FANK1: variants seen among roughly 807,000 people sequenced by gnomAD.
FANK1 encodes the protein fibronectin type III and ankyrin repeat domains 1.
In FANK1, 44 loss-of-function variants were observed where a neutral mutation model predicts 45.3. The ratio of observed to expected loss-of-function variants is 0.97; its 90% CI spans 0.76 to 1.25. The LOEUF (loss-of-function observed/expected upper bound fraction) is 1.25. Among genes scored for constraint, FANK1 ranks in the 50% most tolerant of loss-of-function variants. The pLI is 0.00. For synonymous variants in FANK1, 149 were observed against 152.5 expected, an observed-to-expected ratio of 0.98 and a Z score of 0.17; for missense variants, 391 against 424.4, an observed-to-expected ratio of 0.92 and a Z score of 0.69.
intron 1 of FANK1, among the ~76,000 whole-genome samples, chr10:125,950,127 A>G (rs1266274923): frequency 4.8e-4 from 72 of 149,074 alleles, no homozygotes; most frequent in African/African-American, 1.7e-3. Context: ...AAGATGGATT[A>G]AAGACTTAAA....
chr10:125,924,886 A>G (rs1435060744), intron 1 of FANK1, among the ~76,000 whole-genome samples: 1 of 152,154 alleles, frequency 6.6e-6, no homozygotes, highest in Non-Finnish European at 1.5e-5. Flanking sequence ...TTTAATATGT[A>G]GAACTGATGA....
At chr10:125,973,686 C>T (rs569645178) in intron 1 of FANK1, 7 of 153,618 alleles carry the variant, frequency 4.6e-5, no homozygotes, top group African/African-American at 1.7e-4. Context: ...ACTCAATGTA[C>T]CATTTGGTTT....
chr10:125,965,479 A>G (rs1950158762), intron 1 of FANK1, among the ~76,000 whole-genome samples: 1 of 152,252 alleles, frequency 6.6e-6, no homozygotes, highest in African/African-American at 2.4e-5. Flanking sequence ...TTACACACTC[A>G]GTGTGCATTT....
In FANK1 at chr10:126,009,399, GA is replaced by G. The variant is rs768356108; in HGVS notation, c.1007del (p.Lys336SerfsTer25). 4 of 1,613,012 alleles carry G rather than the reference GA, an allele frequency of 2.5e-6. No individual in the cohort carries two copies. Among genetic ancestry groups the G allele is most frequent in the East Asian group, 2.2e-5 (1 of 44,860 alleles). On this transcript the variant is annotated frameshift_variant, in exon 11 of 11. Coordinates refer to ENST00000368693, the MANE Select transcript of FANK1 (RefSeq NM_145235.5). LOFTEE classifies it high-confidence loss of function. ...QSVVSLLEER[K>X]KKQRPKKSCV... ...GTGTAGTCTCCTTATTAGAAGAAAG[GA>G]AAAAAAAGCAGAGGCCAAAGAAGTC...
At chr10:125,996,787 G>A (rs1590217466) in intron 5 of FANK1, among the ~76,000 whole-genome samples, 163 bp downstream of exon 5, 1 of 152,104 alleles carries the variant, frequency 6.6e-6, no homozygotes, top group Non-Finnish European at 1.5e-5. Context: ...TTCAACTATT[G>A]TAATCATAAA....
intron 1 of FANK1, among the ~76,000 whole-genome samples, chr10:125,950,586 A>G (rs1428886457): frequency 6.6e-6 from 1 of 152,036 alleles, no homozygotes; most frequent in East Asian, 1.9e-4. Context: ...CACACCAGTT[A>G]GAGACAACAG....
At chr10:125,988,892 G>T (rs1301536273) in intron 3 of FANK1, 33 of 721,098 alleles carry the variant, frequency 4.6e-5, no homozygotes, top group Non-Finnish European at 6.0e-5. Flanking sequence ...CTATTTTTGT[G>T]CCAGAACTGT....
chr10:125,990,760 C>A (rs1056665591), intron 3 of FANK1, among the ~76,000 whole-genome samples: 1 of 152,102 alleles, frequency 6.6e-6, no homozygotes, highest in Admixed American at 6.6e-5. Context: ...TAAAGACATA[C>A]CTGAGGCTGG....
chr10:125,950,772 T>A (rs1344604327), intron 1 of FANK1, among the ~76,000 whole-genome samples: 1 of 150,204 alleles, frequency 6.7e-6, no homozygotes, highest in African/African-American at 2.4e-5. Flanking sequence ...TAAATCATGC[T>A]GCTATAAAGA....
At chr10:125,968,692 A>G (rs577832271) in intron 1 of FANK1, among the ~76,000 whole-genome samples, 6 of 152,066 alleles carry the variant, frequency 3.9e-5, no homozygotes, top group Non-Finnish European at 7.4e-5. Flanking sequence ...TGTTTTACTA[A>G]TTTGTTTTTT....
intron 1 of FANK1, among the ~76,000 whole-genome samples, chr10:125,912,131 A>C (rs2134116282): frequency 6.6e-6 from 1 of 152,312 alleles, no homozygotes; most frequent in African/African-American, 2.4e-5. Flanking sequence ...CGGGATCAAC[A>C]AACACACAGC....
chr10:125,980,790 A>C, intron 2 of FANK1: 1 of 155,018 alleles, frequency 6.5e-6, no homozygotes, highest in Non-Finnish European at 1.4e-5. Flanking sequence ...GCTGGTTCCC[A>C]TCGCAGGATC....
intron 1 of FANK1, among the ~76,000 whole-genome samples, chr10:125,937,312 C>T (rs1029215343): frequency 6.6e-6 from 1 of 152,122 alleles, no homozygotes; most frequent in Admixed American, 6.5e-5. Flanking sequence ...TCTCACTGTT[C>T]CATCTCTTTA....
chr10:125,940,827 C>T (rs895358441), intron 1 of FANK1, among the ~76,000 whole-genome samples: 6 of 152,172 alleles, frequency 3.9e-5, no homozygotes, highest in Non-Finnish European at 5.9e-5. Context: ...CGGAGAATGG[C>T]GATGACTTTT....
intron 3 of FANK1, among the ~76,000 whole-genome samples, chr10:125,991,250 G>GGGGTGTGTGTGTGTGTGT (rs138607074): frequency 1.2e-4 from 18 of 145,908 alleles, no homozygotes; most frequent in Non-Finnish European, 2.0e-4. Context: ...GGTGACCAGG[G>GGGGTGTGTGTGTGTGTGT]GTGTGTGTGT....
At chr10:125,919,520 T>G (rs1946787219) in intron 1 of FANK1, among the ~76,000 whole-genome samples, 1 of 152,130 alleles carries the variant, frequency 6.6e-6, no homozygotes. Context: ...CTCCTTTTTT[T>G]GTAATGGACC....
At chr10:125,932,075 C>G (rs1342526321) in intron 1 of FANK1, among the ~76,000 whole-genome samples, 1 of 152,134 alleles carries the variant, frequency 6.6e-6, no homozygotes, top group Non-Finnish European at 1.5e-5. Flanking sequence ...GTTTTTATAC[C>G]AGTACCATGC....
At chr10:125,978,596 C>T (rs1438442007) in intron 1 of FANK1, among the ~76,000 whole-genome samples, 2 of 152,130 alleles carry the variant, frequency 1.3e-5, no homozygotes, top group East Asian at 3.9e-4. Flanking sequence ...AGCAGCTGTC[C>T]GGCCACGTTT....
chr10:125,976,248 T>C (rs1950845909), intron 1 of FANK1, among the ~76,000 whole-genome samples: 1 of 152,180 alleles, frequency 6.6e-6, no homozygotes, highest in Non-Finnish European at 1.5e-5. Flanking sequence ...GCCTTTAACA[T>C]TCTTTCATTT....
Sources: allele counts gnomAD v4.1 joint callset (sites outside exome capture counted in the v4.1 genomes callset), GRCh38; gene constraint gnomAD v4.1.1; transcripts MANE v1.5; gene names NCBI Gene and HGNC (gene_info 2026-07-23, HGNC 2026-07-21).